POLR1E: variants seen among roughly 807,000 people sequenced by gnomAD.
The protein encoded by POLR1E is DNA-directed RNA polymerase I subunit RPA49.
Under a neutral mutation model 50.9 loss-of-function variants are expected in POLR1E, and 37 were observed. That is an observed-to-expected ratio of 0.73 (90% CI 0.56 to 0.96). The LOEUF (loss-of-function observed/expected upper bound fraction) is 0.96, where lower values mean the gene tolerates loss of function less well. Among genes scored for constraint, POLR1E ranks in the 40% least tolerant of loss-of-function variants. The probability of loss-of-function intolerance (pLI) is 0.00; values close to 1 mark genes in which losing one functional copy is unlikely to be tolerated. For synonymous variants in POLR1E, 166 were observed against 191.6 expected (o/e 0.87, Z 1.10); for missense variants, 426 against 518.1 (o/e 0.82, Z 1.73).
At chr9:37,491,495 G>A (rs548162336) in intron 4 of POLR1E, among the ~76,000 whole-genome samples, 11 of 148,424 alleles carry the variant, frequency 7.4e-5, no homozygotes, top group African/African-American at 2.3e-4. Context: ...ACCCAGTCTC[G>A]CTTTGTCACC....
intron 11 of POLR1E, among the ~76,000 whole-genome samples, chr9:37,502,443 T>C (rs1207864426): frequency 2.0e-5 from 3 of 152,178 alleles, no homozygotes; most frequent in African/African-American, 7.2e-5. Flanking sequence ...GTGGTGGAGG[T>C]GACCTTTTAG....
Position 37,497,949 on chromosome 9 carries a change from T to G in POLR1E, c.753-142T>G, listed in dbSNP as rs533282902. On this transcript the variant is annotated intron_variant, in intron 8 of 11. Transcript: ENST00000377798. ...GCTACGTTTTTGTAGAGATGGGGTC[T>G]TGCCTTGTTGCCCAGGGTTTCATCA... The G allele has an allele frequency of 1.0e-4, 96 of 952,500 alleles. No individual in the cohort carries two copies. The African/African-American group carries it at 1.6e-3, about 16-fold the overall frequency. 59.0% of individuals were successfully genotyped at this position (952,500 alleles called of 1,614,324 possible).
Position 37,498,217 on chromosome 9 carries a change from G to A in POLR1E, c.879G>A (p.Lys293=). 1.2e-6 allele frequency: 2 copies of A among 1,612,612 alleles called. No homozygotes were observed. Among genetic ancestry groups the A allele is most frequent in the East Asian group, 2.2e-5 (1 of 44,878 alleles). ...AATTTCGAGCTCATAGGGTAGTTAA[G>A]CGGAAAAGTAAGTCTATGATAAACA... The part of the protein sequence containing the change: ...LIKFRAHRVV[K]RKSALGPGVP... Residue 293 remains lysine (K), a synonymous_variant, in exon 9 of 12, where the codon AAG becomes AAA. Transcript: ENST00000377798.
chr9:37,493,607 C>CT lies in POLR1E; in HGVS notation c.452dup (p.Asn152GlufsTer11). ...TGGTACCACCAAACAGAAGCGAGCT[C>CT]TGAACACCAGGAGAATGAACAGAGT... is the stretch of plus-strand genomic sequence containing the variant. On this transcript the variant is annotated frameshift_variant, in exon 6 of 12. Coordinates refer to ENST00000377798, the MANE Select transcript of POLR1E (RefSeq NM_022490.4). LOFTEE classifies it high-confidence loss of function. The CT allele has an allele frequency of 6.2e-7, 1 of 1,610,422 alleles. No individual in the cohort carries two copies.
chr9:37,501,821 G>C lies in POLR1E; in HGVS notation c.1077G>C (p.Arg359Ser). 6.2e-7 allele frequency: 1 copy of C among 1,613,638 alleles called. No homozygotes were observed. Among genetic ancestry groups the C allele is most frequent in the Non-Finnish European group, 8.5e-7 (1 of 1,179,912 alleles). The stretch of plus-strand genomic sequence containing the variant: ...AAATTGACCTGACAGTGTTACAGAG[G>C]GACTTGAAGCTCAGTGAGAAAAGGT... Reference protein sequence around the residue: ...DFQIDLTVLQRDLKLSEKRMM... With the variant: ...DFQIDLTVLQSDLKLSEKRMM... The change falls in exon 11 of 12, where the codon AGG (arginine) becomes AGC (serine). Residue 359 changes from arginine to serine, a missense_variant. Transcript: ENST00000377798.
chr9:37,497,844 C>G (rs541944638), intron 8 of POLR1E, among the ~76,000 whole-genome samples: 13 of 152,190 alleles, frequency 8.5e-5, no homozygotes, highest in Non-Finnish European at 1.0e-4. Context: ...CTCACTGGAG[C>G]CTCGACCTCC....
intron 4 of POLR1E, chr9:37,490,648 C>T: frequency 1.4e-6 from 1 of 724,750 alleles, no homozygotes; most frequent in Non-Finnish European, 2.5e-6. Context: ...ATTCTCTTGG[C>T]AAGAATCTTG....
chr9:37,500,556 T>C (rs763172105), intron 9 of POLR1E, among the ~76,000 whole-genome samples: 2 of 152,232 alleles, frequency 1.3e-5, no homozygotes, highest in African/African-American at 2.4e-5. Context: ...ACAATTTTTG[T>C]TTTCTAAGGT....
intron 8 of POLR1E, among the ~76,000 whole-genome samples, chr9:37,497,532 T>G (rs55663423): frequency 0.22 from 32,789 of 152,170 alleles, 3,708 homozygotes; most frequent in East Asian, 0.26. Context: ...TGTGAGTAAG[T>G]AAAGTATAAA....
intron 9 of POLR1E, among the ~76,000 whole-genome samples, chr9:37,500,612 A>G (rs1166215945): frequency 6.6e-6 from 1 of 152,018 alleles, no homozygotes; most frequent in Admixed American, 6.5e-5. Flanking sequence ...TTTTCTTGTC[A>G]TTGCCCCATC....
At position 37,498,220 on chromosome 9, in the gene POLR1E, G is replaced by A. The variant is rs776697277; in HGVS notation, c.882G>A (p.Arg294=). 1 of 1,611,850 alleles carries A rather than the reference G, an allele frequency of 6.2e-7. No individual in the cohort carries two copies. Among genetic ancestry groups the A allele is most frequent in the South Asian group, 1.1e-5 (1 of 90,650 alleles). The part of the protein sequence containing the change: ...IKFRAHRVVK[R]KSALGPGVPH... Reference sequence around the variant, plus strand: ...TTCGAGCTCATAGGGTAGTTAAGCGGAAAAGTAAGTCTATGATAAACATTT... The same window carrying A: ...TTCGAGCTCATAGGGTAGTTAAGCGAAAAAGTAAGTCTATGATAAACATTT... The change falls in exon 9 of 12, where the codon CGG becomes CGA. Residue 294 remains arginine (R), a synonymous_variant. Transcript: ENST00000377798.
intron 4 of POLR1E, among the ~76,000 whole-genome samples, chr9:37,491,728 T>C (rs947843588): frequency 6.6e-6 from 1 of 152,190 alleles, no homozygotes; most frequent in Non-Finnish European, 1.5e-5. Flanking sequence ...TCTCTCAAAG[T>C]GCTAGTATTA....
chr9:37,497,566 C>G (rs148968989), intron 8 of POLR1E, among the ~76,000 whole-genome samples: 143 of 152,302 alleles, frequency 9.4e-4, no homozygotes, highest in Admixed American at 1.6e-3. Context: ...GAGCACAGCC[C>G]TGTTCATTTA....
rs767940060 is a variant in POLR1E at position 37,486,700 on chromosome 9, C to G, written c.77-3C>G. ...ATCTCATTCTTGGGCTGCACTCTTA[C>G]AGTCCAGTTCTCCAACGGGAAGCTA... On this transcript the variant is annotated splice_polypyrimidine_tract_variant and splice_region_variant and intron_variant, in intron 1 of 11. Coordinates refer to ENST00000377798, the MANE Select transcript of POLR1E (RefSeq NM_022490.4). The G allele has an allele frequency of 3.1e-6, 5 of 1,614,240 alleles. No homozygotes were observed. The highest frequency in any genetic ancestry group is 4.2e-6 in the Non-Finnish European group (5 of 1,180,046).
At chr9:37,494,528 C>T (rs1820750281) in intron 6 of POLR1E, among the ~76,000 whole-genome samples, 1 of 152,190 alleles carries the variant, frequency 6.6e-6, no homozygotes, top group South Asian at 2.1e-4. Context: ...GCCATAACCT[C>T]CTGGGCTCAA....
chr9:37,497,353 T>TCAAA (rs113786057), intron 8 of POLR1E, among the ~76,000 whole-genome samples: 28 of 152,074 alleles, frequency 1.8e-4, no homozygotes, highest in African/African-American at 4.1e-4. Context: ...AGACTCAGTC[T>TCAAA]CAAACAAACA....
At chr9:37,499,984 G>A (rs890301873) in intron 9 of POLR1E, among the ~76,000 whole-genome samples, 4 of 151,262 alleles carry the variant, frequency 2.6e-5, no homozygotes, top group Non-Finnish European at 5.9e-5. Flanking sequence ...CTGAGTAGCT[G>A]GGATTATAGG....
intron 11 of POLR1E, among the ~76,000 whole-genome samples, chr9:37,502,423 G>A (rs562715708): frequency 9.2e-5 from 14 of 152,356 alleles, no homozygotes; most frequent in African/African-American, 2.9e-4. Context: ...TGACCCAACT[G>A]GGAGAGCTGG....
At chr9:37,499,831 C>T (rs151325514) in intron 9 of POLR1E, among the ~76,000 whole-genome samples, 4 of 150,062 alleles carry the variant, frequency 2.7e-5, no homozygotes, top group African/African-American at 9.8e-5. Context: ...CTGCACCCAG[C>T]TTGTATTTGC....
Sources: gnomAD v4.1 joint callset for allele counts (sites outside exome capture counted in the v4.1 genomes callset) on GRCh38, gnomAD v4.1.1 for gene constraint, MANE v1.5 for transcripts, NCBI Gene and HGNC (gene_info 2026-07-23, HGNC 2026-07-21) for gene names.